The following PRKD3 variants were observed in gnomAD, a reference collection of about 807,000 sequenced individuals.
The protein encoded by PRKD3 is protein kinase D3.
PRKD3 carries 47 observed loss-of-function variants against 99.2 expected under a neutral mutation model. The observed-to-expected ratio is 0.47, with a 90% CI of 0.38 to 0.60. The LOEUF (loss-of-function observed/expected upper bound fraction) is 0.60, where lower values mean the gene tolerates loss of function less well. Ranked by LOEUF, PRKD3 falls within the 20% of genes least tolerant of loss-of-function variation. PRKD3 has a pLI of 0.00. For synonymous variants in PRKD3, 392 were observed against 355.4 expected, an observed-to-expected ratio of 1.10 and a Z score of -1.16; for missense variants, 1,019 against 1,088.4, an observed-to-expected ratio of 0.94 and a Z score of 0.90.
intron 1 of PRKD3, among the ~76,000 whole-genome samples, chr2:37,319,292 G>C (rs534341701): frequency 6.6e-6 from 1 of 152,288 alleles, no homozygotes; most frequent in East Asian, 1.9e-4. Context: ...GGATGTTAGT[G>C]TAGTTAAGTT....
intron 14 of PRKD3, among the ~76,000 whole-genome samples, chr2:37,263,814 G>C (rs558374866): frequency 6.6e-6 from 1 of 152,230 alleles, no homozygotes; most frequent in East Asian, 1.9e-4. Flanking sequence ...AAATCTACAT[G>C]ATTTTATAGT....
At chr2:37,277,276 C>A (rs908120053) in intron 9 of PRKD3, among the ~76,000 whole-genome samples, 1 of 152,076 alleles carries the variant, frequency 6.6e-6, no homozygotes, top group Admixed American at 6.5e-5. Context: ...CAATTTTACA[C>A]AAGGAAACAA....
At chr2:37,312,827 A>C (rs1358633513) in intron 2 of PRKD3, among the ~76,000 whole-genome samples, 1 of 152,228 alleles carries the variant, frequency 6.6e-6, no homozygotes, top group Non-Finnish European at 1.5e-5. Flanking sequence ...AAATGTGACC[A>C]GAGGCTTGCA....
chr2:37,282,122 C>G (rs1433251124), intron 7 of PRKD3, among the ~76,000 whole-genome samples: 3 of 152,154 alleles, frequency 2.0e-5, no homozygotes, highest in African/African-American at 7.2e-5. Context: ...CCTCAGTTTA[C>G]TCATCTCTTA....
chr2:37,285,845 T>A (rs1156526463), intron 6 of PRKD3, among the ~76,000 whole-genome samples: 1 of 152,142 alleles, frequency 6.6e-6, no homozygotes, highest in African/African-American at 2.4e-5. Context: ...CTATTACTAG[T>A]ACTCCTATTA....
At chr2:37,314,487 T>G (rs906607641) in intron 2 of PRKD3, among the ~76,000 whole-genome samples, 2 of 152,188 alleles carry the variant, frequency 1.3e-5, no homozygotes, top group Admixed American at 1.3e-4. Flanking sequence ...GAAGTAACAC[T>G]GATTCTAGAA....
chr2:37,314,699 C>T lies in PRKD3; in HGVS notation c.288+1538G>A, dbSNP rs142118071. 8.5e-3 allele frequency among the ~76,000 whole-genome samples: 1,295 copies of T among 152,000 alleles called. 13 individuals carry two copies. Among genetic ancestry groups the T allele is most frequent in the Non-Finnish European group, 0.011 (733 of 67,946 alleles). ...ACTAAATCATAGAGAGTCATCAAAA[C>T]ACTGGTTATGAGTTTCTATGGTTTC... On this transcript the variant is annotated intron_variant, in intron 2 of 18. Transcript: ENST00000234179.
At chr2:37,272,944 C>A (rs1377470032) in intron 11 of PRKD3, among the ~76,000 whole-genome samples, 2 of 149,262 alleles carry the variant, frequency 1.3e-5, no homozygotes, top group African/African-American at 5.0e-5. Context: ...TTGCGCACTG[C>A]ACTCTCACCT....
rs748864206 is a variant in PRKD3, at chr2:37,279,752, G to A, written c.1166C>T (p.Thr389Ile). 1.3e-5 allele frequency: 21 copies of A among 1,612,396 alleles called. No individual in the cohort carries two copies. The highest frequency in any genetic ancestry group is 2.7e-5 in the African/African-American group (2 of 74,746). ...DVERDEEAVK[T>I]ISPSTSNNIP... The stretch of plus-strand genomic sequence containing the variant: ...TAATATGTATATATATTACCTGATT[G>A]TTTTAACGGCTTCTTCATCTCTTTC... The change falls in exon 8 of 19, where the codon ACA (threonine) becomes ATA (isoleucine). Residue 389 changes from threonine (T) to isoleucine (I), a missense_variant. Thr to Ile is a moderately conservative substitution (Grantham distance 89, BLOSUM62 -1). Coordinates refer to ENST00000234179, the MANE Select transcript of PRKD3 (RefSeq NM_005813.6).
In PRKD3 at chr2:37,256,642, T is replaced by A. The variant is rs756083627; in HGVS notation, c.2413+20A>T. The A allele has an allele frequency of 2.4e-5, 33 of 1,390,434 alleles. No homozygotes were observed. Among genetic ancestry groups the A allele is most frequent in the South Asian group, 1.2e-4 (7 of 57,568 alleles). The allele number at this position is 1,390,434 out of a possible 1,614,324, so 86.1% of individuals were successfully genotyped here. ...ACATAGCCAAAATTTTTTTTTTTTT[T>A]TTTTTTTTTTTTTTTTTACCTTCAC... On this transcript the variant is annotated intron_variant, in intron 17 of 18. Transcript: ENST00000234179.
intron 17 of PRKD3, among the ~76,000 whole-genome samples, chr2:37,256,004 C>G: frequency 6.6e-6 from 1 of 151,944 alleles, no homozygotes; most frequent in Admixed American, 6.6e-5. Flanking sequence ...AGGGAGACCC[C>G]GTCTCAATAA....
intron 4 of PRKD3, 88 bp downstream of exon 4, chr2:37,290,780 A>G: frequency 7.2e-7 from 1 of 1,396,448 alleles, no homozygotes; most frequent in Non-Finnish European, 9.8e-7. Flanking sequence ...CCTAGTCAAC[A>G]GCTCGTCATC....
intron 2 of PRKD3, among the ~76,000 whole-genome samples, chr2:37,309,741 G>T (rs1273397655): frequency 6.6e-6 from 1 of 151,552 alleles, no homozygotes; most frequent in East Asian, 1.9e-4. Flanking sequence ...CCAGCTACTC[G>T]GGAGGCTGAC....
chr2:37,282,838 T>C (rs1669915236), intron 6 of PRKD3, among the ~76,000 whole-genome samples: 1 of 152,192 alleles, frequency 6.6e-6, no homozygotes, highest in South Asian at 2.1e-4. Flanking sequence ...ACCGCCGAAA[T>C]GTACTGGCAG....
chr2:37,316,164 C>T (rs1671645456), intron 2 of PRKD3, 73 bp downstream of exon 2: 1 of 1,416,394 alleles, frequency 7.1e-7, no homozygotes, highest in Non-Finnish European at 9.7e-7. Context: ...TCTTAACTCA[C>T]TGGTACACGT....
chr2:37,255,768 G>C (rs1667881743), intron 17 of PRKD3, among the ~76,000 whole-genome samples: 1 of 152,162 alleles, frequency 6.6e-6, no homozygotes, highest in Non-Finnish European at 1.5e-5. Flanking sequence ...CACTTTGGGA[G>C]GTCAAGTTGG....
In PRKD3 at chr2:37,282,677, G is replaced by A. The variant is rs1007970705; in HGVS notation, c.911-58C>T. 5.2e-6 allele frequency: 6 copies of A among 1,160,512 alleles called. No homozygotes were observed. In the African/African-American group the frequency reaches 7.7e-5, roughly 15 times the overall value. 71.9% of individuals were successfully genotyped at this position (1,160,512 alleles called of 1,614,324 possible). On this transcript the variant is annotated intron_variant, in intron 6 of 18. Coordinates refer to ENST00000234179, the MANE Select transcript of PRKD3 (RefSeq NM_005813.6). Reference sequence around the variant, plus strand: ...GTAAAAGTCAAGCAGTATCAGATATGGTTAGACTTTCTTTAAATCACTCAC... The same window carrying A: ...GTAAAAGTCAAGCAGTATCAGATATAGTTAGACTTTCTTTAAATCACTCAC...
chr2:37,257,666 CAAAAGAAAAAAA>C lies in PRKD3; in HGVS notation c.2146-749_2146-738del, dbSNP rs1188633656. Among the ~76,000 whole-genome samples, 16 of 62,434 alleles carry C rather than the reference CAAAAGAAAAAAA, an allele frequency of 2.6e-4. No homozygotes were observed. The East Asian group carries it at 3.2e-3, about 13-fold the overall frequency. 41.0% of individuals were successfully genotyped at this position (62,434 alleles called of 152,430 possible). A position where few individuals can be genotyped will look rare whatever the true frequency, so the allele number is the denominator to read the frequency against. Reference sequence around the variant, plus strand: ...GGGCGACAGAGTGAAGACTCTGTCTCAAAAGAAAAAAAAAAAAAAAAAAAAAAAGTTACAGTA... The same window carrying C: ...GGGCGACAGAGTGAAGACTCTGTCTCAAAAAAAAAAAAAAAAGTTACAGTA... On this transcript the variant is annotated intron_variant, in intron 16 of 18. Coordinates refer to ENST00000234179, the MANE Select transcript of PRKD3 (RefSeq NM_005813.6).
intron 2 of PRKD3, among the ~76,000 whole-genome samples, chr2:37,303,279 G>T (rs1671017782): frequency 6.6e-6 from 1 of 151,992 alleles, no homozygotes; most frequent in African/African-American, 2.4e-5. Flanking sequence ...AAGTGTCTGG[G>T]GGATCTCATT....
Sources: gnomAD v4.1 joint callset for allele counts (sites outside exome capture counted in the v4.1 genomes callset) on GRCh38, gnomAD v4.1.1 for gene constraint, MANE v1.5 for transcripts, NCBI Gene and HGNC (gene_info 2026-07-23, HGNC 2026-07-21) for gene names.